Variants in COQ5 observed in about 807,000 individuals in gnomAD.
COQ5 encodes the protein 2-methoxy-6-polyprenyl-1,4-benzoquinol methylase, mitochondrial.
A neutral mutation model predicts 40.5 loss-of-function variants in COQ5; 27 were observed. That is an observed-to-expected ratio of 0.67 (90% CI 0.49 to 0.92). COQ5 has a LOEUF of 0.92. Among genes scored for constraint, COQ5 ranks in the 40% least tolerant of loss-of-function variants. COQ5 has a pLI of 0.00. For synonymous variants in COQ5, 141 were observed against 150.0 expected (o/e 0.94, Z 0.44); for missense variants, 409 against 406.4 (o/e 1.01, Z -0.06).
rs61584250 is a variant in COQ5 at position 120,526,698 on chromosome 12, ATTTTTTTTTTTTTTTTTT to A, written c.202+2224_202+2241del. 4.6e-3 allele frequency among the ~76,000 whole-genome samples: 293 copies of A among 64,186 alleles called. 2 individuals are homozygous for A. The highest frequency in any genetic ancestry group is 0.023 in the African/African-American group (285 of 12,228). 42.1% of individuals were successfully genotyped at this position (64,186 alleles called of 152,430 possible). A position where few individuals can be genotyped will look rare whatever the true frequency, so the allele number is the denominator to read the frequency against. Reference sequence around the variant, plus strand: ...AATAGTGCTCAAACTACTCTTGGCAATTTTTTTTTTTTTTTTTTTTTTTTTTTTTTTTTTGAGACAGAG... The same window carrying A: ...AATAGTGCTCAAACTACTCTTGGCAATTTTTTTTTTTTTTTTGAGACAGAG... On this transcript the variant is annotated intron_variant, in intron 1 of 6. Transcript: ENST00000288532.
chr12:120,515,853 A>T (rs1327634935), intron 3 of COQ5, among the ~76,000 whole-genome samples: 2 of 152,204 alleles, frequency 1.3e-5, no homozygotes, highest in Non-Finnish European at 2.9e-5. Context: ...GCAGAGGCTG[A>T]TGTGCTAATA....
chr12:120,523,015 C>T (rs1015653904), intron 1 of COQ5: 1 of 536,064 alleles, frequency 1.9e-6, no homozygotes, highest in Admixed American at 2.7e-5. Flanking sequence ...TTGGGGTCCA[C>T]TCCCTTAAGA....
chr12:120,512,722 A>G, intron 3 of COQ5, among the ~76,000 whole-genome samples: 1 of 152,114 alleles, frequency 6.6e-6, no homozygotes, highest in East Asian at 1.9e-4. Flanking sequence ...TTGAGGGGCA[A>G]CTCTGAATGT....
intron 5 of COQ5, chr12:120,504,599 G>A (rs535540251): frequency 6.0e-5 from 22 of 367,540 alleles, no homozygotes; most frequent in Non-Finnish European, 1.1e-4. Context: ...TCAGAGGGGG[G>A]TTGAGTAGCA....
At chr12:120,528,533 G>C (rs1870071620) in intron 1 of COQ5, among the ~76,000 whole-genome samples, 2 of 152,140 alleles carry the variant, frequency 1.3e-5, no homozygotes, top group African/African-American at 4.8e-5. Context: ...GCGTCTGGCT[G>C]GGCGCGGTGG....
At chr12:120,507,536 G>C (rs1258165858) in intron 4 of COQ5, among the ~76,000 whole-genome samples, 2 of 149,192 alleles carry the variant, frequency 1.3e-5, no homozygotes, top group South Asian at 4.3e-4. Flanking sequence ...CACCCGCCTC[G>C]GCCTCCCAAA....
chr12:120,528,999 C>T lies in COQ5; in HGVS notation c.143G>A (p.Arg48Gln). The change falls in exon 1 of 7, where the codon CGG becomes CAG. Residue 48 changes from arginine to glutamine, a missense_variant. Transcript: ENST00000288532. ...AAACCCAAAGTGCGTTTCCGCTGCCCGCTTCTCTTGGGACAAGAGCCGAGC... is the reference window on the plus strand; with the variant it reads ...AAACCCAAAGTGCGTTTCCGCTGCCTGCTTCTCTTGGGACAAGAGCCGAGC... ...LSARLLSQEK[R>Q]AAETHFGFET... is the part of the protein sequence containing the mutation. 1.9e-6 allele frequency: 3 copies of T among 1,614,120 alleles called. No individual in the cohort carries two copies. The highest frequency in any genetic ancestry group is 2.5e-6 in the Non-Finnish European group (3 of 1,180,030).
intron 4 of COQ5, among the ~76,000 whole-genome samples, chr12:120,506,434 T>G (rs1296670705): frequency 6.6e-6 from 1 of 152,018 alleles, no homozygotes; most frequent in African/African-American, 2.4e-5. Context: ...TGGCACGATC[T>G]CAGCTCACTG....
At chr12:120,521,521 C>T (rs1869655181) in intron 2 of COQ5, among the ~76,000 whole-genome samples, 1 of 151,314 alleles carries the variant, frequency 6.6e-6, no homozygotes, top group Non-Finnish European at 1.5e-5. Flanking sequence ...ACTAACAATA[C>T]AAAAATTAGC....
chr12:120,517,681 CA>C (rs1005801206), intron 2 of COQ5, among the ~76,000 whole-genome samples: 19 of 140,296 alleles, frequency 1.4e-4, no homozygotes, highest in Non-Finnish European at 1.2e-4. Flanking sequence ...GACTACATCT[CA>C]AAAAAAAAAA....
intron 5 of COQ5, 115 bp from the exon 6 acceptor site, chr12:120,504,196 C>T (rs908194670): frequency 4.2e-6 from 3 of 720,510 alleles, no homozygotes; most frequent in Non-Finnish European, 5.0e-6. Context: ...CTATAGGGAT[C>T]AAGCAAGAAC....
Sources: allele counts gnomAD v4.1 joint callset (sites outside exome capture counted in the v4.1 genomes callset), GRCh38; gene constraint gnomAD v4.1.1; transcripts MANE v1.5; gene names NCBI Gene and HGNC (gene_info 2026-07-23, HGNC 2026-07-21).